The following TRABD variants were observed in gnomAD, a reference collection of about 807,000 sequenced individuals.
TRABD encodes the protein traB domain-containing protein.
Under a neutral mutation model 39.6 loss-of-function variants are expected in TRABD, and 23 were observed. The ratio of observed to expected loss-of-function variants is 0.58; its 90% confidence interval spans 0.42 to 0.82. The LOEUF (loss-of-function observed/expected upper bound fraction) is 0.82, where lower values mean the gene tolerates loss of function less well. Among genes scored for constraint, TRABD ranks in the 40% least tolerant of loss-of-function variants. TRABD has a pLI of 0.00. For missense variants in TRABD, 487 were observed against 544.9 expected (o/e 0.89, Z 1.06); for synonymous variants, 243 against 232.1 (o/e 1.05, Z -0.43).
At chr22:50,186,323 G>A (rs1453148089) in intron 1 of TRABD, among the ~76,000 whole-genome samples, 1 of 137,936 alleles carries the variant, frequency 7.2e-6, no homozygotes, top group East Asian at 2.3e-4. Flanking sequence ...CGTTGGGGGG[G>A]CCAGGCCCGG....
chr22:50,189,783 CCA>C (rs2063847899), intron 1 of TRABD, among the ~76,000 whole-genome samples: 1 of 149,822 alleles, frequency 6.7e-6, no homozygotes, highest in Admixed American at 6.6e-5. Context: ...CTGCTGGGAC[CCA>C]GAGGGGGTGG....
intron 4 of TRABD, 79 bp from the exon 5 acceptor site, chr22:50,194,821 G>A: frequency 1.3e-6 from 2 of 1,547,436 alleles, no homozygotes; most frequent in Non-Finnish European, 1.7e-6. Context: ...CCTGGGATGG[G>A]GCCCCTGGTG....
At position 50,194,257 on chromosome 22, in the gene TRABD, G is replaced by A. The variant is rs1254726513; in HGVS notation, c.113-83G>A. ...TGTTCAGTTCTCAGAACCCAGGAGG[G>A]TTCTAGAGCCCAGGCTGCCAGCGGG... On this transcript the variant is annotated intron_variant, in intron 3 of 9. Transcript: ENST00000380909. 4.6e-6 allele frequency: 7 copies of A among 1,537,378 alleles called. No homozygotes were observed. The African/African-American group carries it at 5.5e-5, about 12-fold the overall frequency.
rs2064161131 is a variant in TRABD at position 50,197,593 on chromosome 22, G to A, written c.671+5G>A. On this transcript the variant is annotated splice_donor_5th_base_variant and intron_variant, in intron 7 of 9. Transcript: ENST00000380909. ...CTTCCTGTCAGACCCCATCAGGTAGGGCTGCCCCCGGGACCCTGGCCGGCC... is the reference window on the plus strand; with the variant it reads ...CTTCCTGTCAGACCCCATCAGGTAGAGCTGCCCCCGGGACCCTGGCCGGCC... The A allele has an allele frequency of 6.2e-7, 1 of 1,612,222 alleles. No homozygotes were observed. Among genetic ancestry groups the A allele is most frequent in the Non-Finnish European group, 8.5e-7 (1 of 1,179,566 alleles).
intron 1 of TRABD, chr22:50,192,115 A>G (rs1345965312): frequency 6.6e-6 from 1 of 152,310 alleles, no homozygotes; most frequent in Admixed American, 6.5e-5. Flanking sequence ...CCGCCAGGAC[A>G]TGCATGAGCC....
chr22:50,195,323 G>A (rs559713512), intron 5 of TRABD, among the ~76,000 whole-genome samples: 1 of 141,334 alleles, frequency 7.1e-6, no homozygotes, highest in Admixed American at 7.2e-5. Context: ...GGATGGGTCA[G>A]GTCTCAGTGC....
intron 4 of TRABD, 49 bp from the exon 5 acceptor site, chr22:50,194,851 G>A (rs766184993): frequency 1.5e-5 from 24 of 1,590,600 alleles, no homozygotes; most frequent in Non-Finnish European, 2.0e-5. Context: ...GCTGTGCTGA[G>A]GGGCAGGGAG....
chr22:50,196,286 AGCCTGGGCTCCCCAGGGTG>A (rs1000249865), intron 5 of TRABD, among the ~76,000 whole-genome samples: 10 of 152,292 alleles, frequency 6.6e-5, no homozygotes, highest in Admixed American at 2.6e-4. Context: ...ATCCTAAGTT[AGCCTGGGCTCCCCAGGGTG>A]GCCTGGGCCC....
At chr22:50,189,987 C>G (rs1039809830) in intron 1 of TRABD, among the ~76,000 whole-genome samples, 5 of 152,232 alleles carry the variant, frequency 3.3e-5, no homozygotes, top group African/African-American at 1.2e-4. Flanking sequence ...TGGGCCCAGC[C>G]ATAAATGTCT....
intron 4 of TRABD, 143 bp from the exon 5 acceptor site, chr22:50,194,757 G>A: frequency 1.5e-6 from 2 of 1,308,270 alleles, no homozygotes; most frequent in East Asian, 2.4e-5. Flanking sequence ...GAATTGAGCT[G>A]TCACTGCAGC....
intron 7 of TRABD, 26 bp from the exon 8 acceptor site, chr22:50,197,797 G>A (rs770048727): frequency 1.9e-5 from 25 of 1,285,858 alleles, no homozygotes; most frequent in African/African-American, 8.2e-5. Context: ...CCATCCCTGC[G>A]GGGCTGCAGC....
At position 50,198,433 on chromosome 22, in the gene TRABD, A is replaced by T; in HGVS notation, c.1045A>T (p.Met349Leu). The T allele has an allele frequency of 6.3e-7, 1 of 1,595,174 alleles. No individual in the cohort carries two copies. The highest frequency in any genetic ancestry group is 8.5e-7 in the Non-Finnish European group (1 of 1,176,606). The change falls in exon 10 of 10, where the codon ATG becomes TTG. Residue 349 changes from methionine (M) to leucine (L), a missense_variant. By Grantham distance (15) the Met-to-Leu change is conservative (BLOSUM62 2). Coordinates refer to ENST00000380909, the MANE Select transcript of TRABD (RefSeq NM_001320485.2). This position sits in a 1 kb window ranked among gnomAD's most constrained non-coding sequence, Gnocchi z 7.9. ...CCTGCTGGGCTACAGCCTGTACTGG[A>T]TGGGCCGCCGCACCGCGAGCCTGGT... ...FGLLGYSLYW[M>L]GRRTASLVLS...
rs548440141 is a variant in TRABD at position 50,194,916 on chromosome 22, A to T, written c.296A>T (p.Gln99Leu). ...CTGTTGCAGACCATCCGGGAGGTGC[A>T]GCCTGACGTGGTGGTCGTGGAGCTC... is the stretch of plus-strand genomic sequence containing the variant. ...RDVVKTIREV[Q>L]PDVVVVELCQ... The change falls in exon 5 of 10, where the codon CAG becomes CTG. Residue 99 changes from glutamine (Q) to leucine (L), a missense_variant. This residue lies in a region of TRABD where 358 missense variants were observed against 414.7 expected (regional missense o/e 0.86). Transcript: ENST00000380909. 20 of 1,612,828 alleles carry T rather than the reference A, an allele frequency of 1.2e-5. No homozygotes were observed. In the South Asian group the frequency reaches 2.0e-4, roughly 16 times the overall value.
chr22:50,196,395 A>T (rs1380191736), intron 5 of TRABD, among the ~76,000 whole-genome samples: 4 of 152,202 alleles, frequency 2.6e-5, no homozygotes, highest in Non-Finnish European at 5.9e-5. Flanking sequence ...GGGCGCGTGC[A>T]GGTGTGAGCG....
intron 5 of TRABD, among the ~76,000 whole-genome samples, chr22:50,196,147 C>T (rs761867684): frequency 1.4e-4 from 21 of 152,180 alleles, no homozygotes; most frequent in South Asian, 4.1e-4. Flanking sequence ...TGTCCCCTCC[C>T]GGGGGACACT....
chr22:50,186,709 C>T (rs921588602), intron 1 of TRABD, among the ~76,000 whole-genome samples: 57 of 152,362 alleles, frequency 3.7e-4, no homozygotes, highest in Non-Finnish European at 5.9e-4. Flanking sequence ...TGGGGCTTCG[C>T]TCTTCTGTAG....
rs1209969676 is a variant in TRABD at position 50,197,811 on chromosome 22, C to T, written c.672-12C>T. ...CCCATCCCTGCGGGGCTGCAGCCAT[C>T]CCTCTCCACAGCAAGGATGACGTGG... On this transcript the variant is annotated splice_polypyrimidine_tract_variant and intron_variant, in intron 7 of 9. Coordinates refer to ENST00000380909, the MANE Select transcript of TRABD (RefSeq NM_001320485.2). 6.9e-7 allele frequency: 1 copy of T among 1,443,572 alleles called. No homozygotes were observed. The highest frequency in any genetic ancestry group is 3.0e-5 in the East Asian group (1 of 32,922). 89.4% of individuals were successfully genotyped at this position (1,443,572 alleles called of 1,614,324 possible).
chr22:50,189,430 C>T (rs576917250), intron 1 of TRABD, among the ~76,000 whole-genome samples: 5 of 152,330 alleles, frequency 3.3e-5, no homozygotes, highest in Admixed American at 2.0e-4. Flanking sequence ...GACGTCCGTG[C>T]GGGGCAGGGA....
chr22:50,191,860 C>T (rs2063917062), intron 1 of TRABD: 1 of 152,220 alleles, frequency 6.6e-6, no homozygotes, highest in African/African-American at 2.4e-5. Flanking sequence ...CAAAGTGATT[C>T]TCCTGCCTCA....
Sources: gnomAD v4.1 joint callset for allele counts (sites outside exome capture counted in the v4.1 genomes callset) on GRCh38, gnomAD v4.1.1 for gene constraint, gnomAD v4.1.1 regional missense constraint, Gnocchi (gnomAD v3.1) non-coding constraint, MANE v1.5 for transcripts, NCBI Gene and HGNC (gene_info 2026-07-23, HGNC 2026-07-21) for gene names.